Variants in NEMF observed in about 807,000 individuals in gnomAD.
NEMF encodes ribosome quality control complex subunit NEMF.
NEMF carries 89 observed loss-of-function variants against 162.2 expected under a neutral mutation model. The observed-to-expected ratio is 0.55, with a 90% CI of 0.46 to 0.65. The LOEUF is 0.65. Ranked by LOEUF, NEMF falls within the 30% of genes least tolerant of loss-of-function variation. NEMF has a pLI of 0.00. For synonymous variants in NEMF, 421 were observed against 404.5 expected (o/e 1.04, Z -0.49); for missense variants, 1,133 against 1,261.9 (o/e 0.90, Z 1.55).
At chr14:49,826,999 G>A (rs887452644) in intron 15 of NEMF, among the ~76,000 whole-genome samples, 2 of 152,110 alleles carry the variant, frequency 1.3e-5, no homozygotes, top group Admixed American at 6.5e-5. Flanking sequence ...AGGGGAGCAC[G>A]TGTCATTATT....
rs759841923 is a variant in NEMF at position 49,782,527 on chromosome 14, C to CTATT, written c.*2105_*2108dup. 9 of 1,603,452 alleles carry CTATT rather than the reference C, an allele frequency of 5.6e-6. No homozygotes were observed. The highest frequency in any genetic ancestry group is 3.4e-5 in the Admixed American group (2 of 59,086). ...GCATTTGCTTTTAAATGTGTTCTTC[C>CTATT]TATTTATTTTTCAGGCACACAGTAA... is the stretch of plus-strand genomic sequence containing the variant. On this transcript the variant is annotated 3_prime_UTR_variant, in exon 33 of 33. Coordinates refer to ENST00000298310, the MANE Select transcript of NEMF (RefSeq NM_004713.6).
chr14:49,818,121 A>G (rs1470584401), intron 16 of NEMF, among the ~76,000 whole-genome samples: 1 of 138,554 alleles, frequency 7.2e-6, no homozygotes, highest in Non-Finnish European at 1.5e-5. Flanking sequence ...AGAGTCTCGC[A>G]CTGTCACCCA....
In NEMF at chr14:49,829,400, A is replaced by G. The variant is rs777968927; in HGVS notation, c.972T>C (p.Asp324=). Residue 324 remains aspartate, a synonymous_variant, in exon 12 of 33, where the codon GAT becomes GAC. Coordinates refer to ENST00000298310, the MANE Select transcript of NEMF (RefSeq NM_004713.6). The stretch of plus-strand genomic sequence containing the variant: ...TGTTTTCGTGATCCTTTCGAACATT[A>G]TCTAATTTCTTCAATGCTTGCTTTT... ...QQEKQALKKL[D]NVRKDHENRL... is the part of the protein sequence containing the mutation. The G allele has an allele frequency of 1.2e-6, 2 of 1,614,026 alleles. No homozygotes were observed. The highest frequency in any genetic ancestry group is 1.1e-5 in the South Asian group (1 of 91,074).
chr14:49,785,323 AAAAAG>A lies in NEMF; in HGVS notation c.2929-8_2929-4del, dbSNP rs1890116866. ...GTCAAAGAATCAAATAGGTTTTCCT[AAAAAG>A]GGAAAATAACAGTTACAAAGGCAAT... On this transcript the variant is annotated splice_region_variant and splice_polypyrimidine_tract_variant and intron_variant, in intron 29 of 32. Transcript: ENST00000298310. 1.2e-6 allele frequency: 2 copies of A among 1,608,446 alleles called. No individual in the cohort carries two copies. The highest frequency in any genetic ancestry group is 1.7e-6 in the Non-Finnish European group (2 of 1,174,922).
intron 19 of NEMF, among the ~76,000 whole-genome samples, chr14:49,804,401 G>A (rs569276935): frequency 6.6e-6 from 1 of 152,210 alleles, no homozygotes; most frequent in African/African-American, 2.4e-5. Context: ...TTTGGGGCCA[G>A]GTACAGTGGC....
chr14:49,820,240 G>A (rs575845491), intron 16 of NEMF: 2 of 339,934 alleles, frequency 5.9e-6, no homozygotes, highest in East Asian at 1.9e-4. Context: ...ATGAGCCACT[G>A]TGGCTGGCCC....
In NEMF at chr14:49,829,421, C is replaced by T; in HGVS notation, c.951G>A (p.Lys317=). 1 of 1,613,198 alleles carries T rather than the reference C, an allele frequency of 6.2e-7. No individual in the cohort carries two copies. Among genetic ancestry groups the T allele is most frequent in the Non-Finnish European group, 8.5e-7 (1 of 1,179,600 alleles). ...CATTATCTAATTTCTTCAATGCTTGCTTTTCCTTTTATTGGCAAAACAGAT... is the reference window on the plus strand; with the variant it reads ...CATTATCTAATTTCTTCAATGCTTGTTTTTCCTTTTATTGGCAAAACAGAT... ...KIDLKALQQE[K]QALKKLDNVR... Residue 317 remains lysine, a synonymous_variant, in exon 12 of 33, where the codon AAG becomes AAA. Coordinates refer to ENST00000298310, the MANE Select transcript of NEMF (RefSeq NM_004713.6).
chr14:49,806,700 GAAGA>G (rs1482116446), intron 18 of NEMF, among the ~76,000 whole-genome samples: 1 of 152,076 alleles, frequency 6.6e-6, no homozygotes, highest in Non-Finnish European at 1.5e-5. Flanking sequence ...ACATGTCAGA[GAAGA>G]AATATCCTCT....
At chr14:49,812,402 T>C (rs1280075113) in intron 18 of NEMF, among the ~76,000 whole-genome samples, 2 of 152,190 alleles carry the variant, frequency 1.3e-5, no homozygotes, top group Non-Finnish European at 2.9e-5. Flanking sequence ...TCCTATTCTC[T>C]GTTTTGTTCA....
In NEMF at chr14:49,800,507, T is replaced by C. The variant is rs1292683427; in HGVS notation, c.2285A>G (p.Asp762Gly). ...TTCATCCTTCATTTCACCAACAGAA[T>C]CCTGATCTTTTCTAACCTCTTCATA... ...GEYEEVRKDQ[D>G]SVGEMKDEGE... Residue 762 changes from aspartate (D) to glycine (G), a missense_variant, in exon 23 of 33, where the codon GAT becomes GGT. Asp to Gly is a moderately conservative substitution (Grantham distance 94). This residue lies in a region of NEMF where 532 missense variants were observed against 578.6 expected (regional missense o/e 0.92). Transcript: ENST00000298310. 1 of 1,614,004 alleles carries C rather than the reference T, an allele frequency of 6.2e-7. No individual in the cohort carries two copies. Among genetic ancestry groups the C allele is most frequent in the Admixed American group, 1.7e-5 (1 of 60,018 alleles).
At chr14:49,824,243 T>A (rs893870000) in intron 16 of NEMF, among the ~76,000 whole-genome samples, 2 of 151,048 alleles carry the variant, frequency 1.3e-5, no homozygotes, top group South Asian at 4.2e-4. Context: ...AATGAAGCAA[T>A]ACCTTTAAAA....
Position 49,784,646 on chromosome 14 carries a change from T to C in NEMF, c.3221A>G (p.Lys1074Arg). 1 of 1,608,870 alleles carries C rather than the reference T, an allele frequency of 6.2e-7. No individual in the cohort carries two copies. Among genetic ancestry groups the C allele is most frequent in the Non-Finnish European group, 8.5e-7 (1 of 1,177,138 alleles). Residue 1074 changes from lysine (K) to arginine (R), a missense_variant, in exon 33 of 33, where the codon AAA becomes AGA. Lys to Arg is a conservative substitution (Grantham distance 26). Coordinates refer to ENST00000298310, the MANE Select transcript of NEMF (RefSeq NM_004713.6). ...AGAATTTCATTTCAGCTATTTCCTT[T>C]TTACGTTCAGAAGATTGGGTGCAGA... ...KVSAPNLLNV[K>R]RK is the part of the protein sequence containing the mutation.
chr14:49,834,054 CTCAT>C (rs1192074022), intron 7 of NEMF: 6 of 474,602 alleles, frequency 1.3e-5, no homozygotes, highest in Non-Finnish European at 2.4e-5. Context: ...TCACTAAAAT[CTCAT>C]TCAATTTTTT....
At chr14:49,806,598 T>A (rs1891229203) in intron 18 of NEMF, among the ~76,000 whole-genome samples, 1 of 151,336 alleles carries the variant, frequency 6.6e-6, no homozygotes, top group African/African-American at 2.4e-5. Flanking sequence ...CATTTTTACT[T>A]CACCATTATA....
chr14:49,841,578 GA>G (rs535773426), intron 4 of NEMF, among the ~76,000 whole-genome samples: 1,157 of 73,322 alleles, frequency 0.016, 7 homozygotes, highest in East Asian at 0.038. Context: ...CTCGTCTTAA[GA>G]AAAAAAAAAA....
At chr14:49,785,373 A>T in intron 29 of NEMF, 53 bp from the exon 30 acceptor site, 1 of 1,223,814 alleles carries the variant, frequency 8.2e-7, no homozygotes, top group Non-Finnish European at 1.2e-6. Context: ...CCTTTACAAA[A>T]AATGCTAAAA....
In NEMF at chr14:49,783,096, C is replaced by CTATTTTTGTGT. The variant is rs1889988871; in HGVS notation, c.*1529_*1539dup. 1.4e-6 allele frequency: 1 copy of CTATTTTTGTGT among 690,376 alleles called. No homozygotes were observed. Among genetic ancestry groups the CTATTTTTGTGT allele is most frequent in the Non-Finnish European group, 2.2e-6 (1 of 447,386 alleles). 42.8% of individuals were successfully genotyped at this position (690,376 alleles called of 1,614,324 possible). On this transcript the variant is annotated 3_prime_UTR_variant, in exon 33 of 33. Transcript: ENST00000298310. Reference sequence around the variant, plus strand: ...TGTGCATGTGAATGGCCTAGAGAACCTATTTTTGTGTCTAAAGTTTACAAT... The same window carrying CTATTTTTGTGT: ...TGTGCATGTGAATGGCCTAGAGAACCTATTTTTGTGTTATTTTTGTGTCTAAAGTTTACAAT...
At chr14:49,843,733 T>A (rs1351402325) in intron 4 of NEMF, among the ~76,000 whole-genome samples, 1 of 152,208 alleles carries the variant, frequency 6.6e-6, no homozygotes, top group African/African-American at 2.4e-5. Flanking sequence ...TCAACTGTAA[T>A]ACAATAGCAA....
intron 4 of NEMF, among the ~76,000 whole-genome samples, chr14:49,843,611 G>A (rs763036910): frequency 7.9e-5 from 12 of 152,266 alleles, no homozygotes; most frequent in Non-Finnish European, 1.3e-4. Context: ...GAACGTAATA[G>A]AGTATACTTA....
Sources: gnomAD v4.1 joint callset for allele counts (sites outside exome capture counted in the v4.1 genomes callset) on GRCh38, gnomAD v4.1.1 for gene constraint, gnomAD v4.1.1 regional missense constraint, MANE v1.5 for transcripts, NCBI Gene and HGNC (gene_info 2026-07-23, HGNC 2026-07-21) for gene names.